DYM: variants seen among roughly 807,000 people sequenced by gnomAD.
DYM encodes dyggve-Melchior-Clausen syndrome protein.
A neutral mutation model predicts 93.1 loss-of-function variants in DYM; 78 were observed. That is an observed-to-expected ratio of 0.84 (90% CI 0.70 to 1.01). The LOEUF (loss-of-function observed/expected upper bound fraction) is 1.01, where lower values mean the gene tolerates loss of function less well. DYM is among the 50% of genes least tolerant of loss of function. The pLI is 0.00. For synonymous variants in DYM, 321 were observed against 319.7 expected (o/e 1.00, Z -0.04); for missense variants, 789 against 845.0 (o/e 0.93, Z 0.82).
chr18:49,146,130 T>A (rs1230101252), intron 15 of DYM, among the ~76,000 whole-genome samples: 1 of 152,076 alleles, frequency 6.6e-6, no homozygotes, highest in East Asian at 1.9e-4. Context: ...CAGGGTAACC[T>A]CAAGGAAATG....
chr18:49,433,550 T>C (rs2080528391), intron 1 of DYM, among the ~76,000 whole-genome samples: 1 of 152,164 alleles, frequency 6.6e-6, no homozygotes, highest in East Asian at 1.9e-4. Flanking sequence ...GTAAAGTTAG[T>C]AAATCAAAAA....
intron 11 of DYM, among the ~76,000 whole-genome samples, chr18:49,271,292 C>G (rs751860682): frequency 6.6e-6 from 1 of 152,148 alleles, no homozygotes; most frequent in Middle Eastern, 3.4e-3. Flanking sequence ...ACGCAATTAT[C>G]CTACAGTACA....
chr18:49,050,566 C>T (rs1289393586), intron 17 of DYM, among the ~76,000 whole-genome samples: 2 of 152,118 alleles, frequency 1.3e-5, no homozygotes, highest in Non-Finnish European at 2.9e-5. Flanking sequence ...TGGCAGCTAA[C>T]TCCCTGAGCC....
chr18:49,088,580 T>G (rs1440749772), intron 17 of DYM, among the ~76,000 whole-genome samples: 3 of 151,356 alleles, frequency 2.0e-5, no homozygotes, highest in African/African-American at 7.3e-5. Context: ...CCTAACAGCC[T>G]TTTTTAAACA....
intron 15 of DYM, among the ~76,000 whole-genome samples, chr18:49,155,851 T>C (rs1224843067): frequency 1.3e-5 from 2 of 152,380 alleles, no homozygotes; most frequent in East Asian, 3.9e-4. Context: ...TTTTTGGCTA[T>C]TGCAAATAAT....
rs561074434 is a variant in DYM at position 49,250,179 on chromosome 18, C to T, written c.1460+6831G>A. 2.0e-5 allele frequency among the ~76,000 whole-genome samples: 3 copies of T among 152,318 alleles called. No homozygotes were observed. The East Asian group carries it at 5.8e-4, about 29-fold the overall frequency. The stretch of plus-strand genomic sequence containing the variant: ...GCCAGCCCATCTTCTAAGAATCAGT[C>T]ACTAACTATTTATTAAAAGTCTATT... On this transcript the variant is annotated intron_variant, in intron 13 of 17. Transcript: ENST00000675505.
At chr18:49,294,594 A>G (rs995892710) in intron 8 of DYM, among the ~76,000 whole-genome samples, 2 of 152,218 alleles carry the variant, frequency 1.3e-5, no homozygotes, top group Admixed American at 1.3e-4. Flanking sequence ...TGAAACATCA[A>G]TAAAAATAAT....
intron 6 of DYM, among the ~76,000 whole-genome samples, chr18:49,352,008 C>A (rs1031270497): frequency 6.6e-6 from 1 of 151,946 alleles, no homozygotes; most frequent in Non-Finnish European, 1.5e-5. Context: ...CAAGACTACA[C>A]GTAGAACTTT....
intron 11 of DYM, among the ~76,000 whole-genome samples, chr18:49,268,076 A>T (rs2145430498): frequency 6.6e-6 from 1 of 152,346 alleles, no homozygotes; most frequent in Non-Finnish European, 1.5e-5. Context: ...AAGATAATTT[A>T]AAAAATGGCA....
At chr18:49,096,491 A>C (rs1331548290) in intron 17 of DYM, among the ~76,000 whole-genome samples, 1 of 152,234 alleles carries the variant, frequency 6.6e-6, no homozygotes, top group Admixed American at 6.5e-5. Flanking sequence ...ACAAAACACT[A>C]TGAAGGCCAA....
intron 1 of DYM, among the ~76,000 whole-genome samples, chr18:49,456,777 C>T (rs982721478): frequency 1.3e-5 from 2 of 152,082 alleles, no homozygotes; most frequent in Non-Finnish European, 2.9e-5. Flanking sequence ...AAACTGTTTA[C>T]AAGCAAAGTT....
intron 13 of DYM, among the ~76,000 whole-genome samples, chr18:49,247,150 C>T (rs13381473): frequency 0.053 from 8,064 of 152,188 alleles, 296 homozygotes; most frequent in Middle Eastern, 0.088. Context: ...TGCTTGAAGG[C>T]TATCATAAAA....
intron 17 of DYM, among the ~76,000 whole-genome samples, chr18:49,075,023 C>A (rs1213382266): frequency 6.6e-6 from 1 of 152,148 alleles, no homozygotes; most frequent in Admixed American, 6.5e-5. Flanking sequence ...ATGGGGGAGA[C>A]AGACAGGCTG....
At position 49,258,382 on chromosome 18, in the gene DYM, G is replaced by A. The variant is rs1420802732; in HGVS notation, c.1363C>T (p.Arg455Ter). Residue 455 changes from arginine to a stop codon, truncating the protein, a stop_gained and splice_region_variant, in exon 12 of 18, where the codon CGA (arginine) becomes TGA (stop). Transcript: ENST00000675505. LOFTEE classifies it high-confidence loss of function. ...AGAATAGCAGCTGGAATACTTACTC[G>A]TGTCCTAGTCATGTTGTATTGAATG... ...RTIQYNMTRT[R>*]DKYLHTNCLA... is the part of the protein sequence containing the mutation. 4 of 1,585,580 alleles carry A rather than the reference G, an allele frequency of 2.5e-6. No homozygotes were observed. Among genetic ancestry groups the A allele is most frequent in the African/African-American group, 2.7e-5 (2 of 74,350 alleles).
At chr18:49,385,312 A>G (rs151300449) in intron 3 of DYM, among the ~76,000 whole-genome samples, 3 of 152,294 alleles carry the variant, frequency 2.0e-5, no homozygotes, top group African/African-American at 7.2e-5. Context: ...ATAAAAAACA[A>G]CTGACCTGGC....
intron 5 of DYM, among the ~76,000 whole-genome samples, chr18:49,377,729 A>C (rs1329924271): frequency 6.6e-6 from 1 of 152,234 alleles, no homozygotes; most frequent in African/African-American, 2.4e-5. Context: ...TTTGACATTT[A>C]AAAACACGTA....
intron 8 of DYM, among the ~76,000 whole-genome samples, chr18:49,313,462 CAAAAAAAAAAAAAAAAAAAAAA>C (rs60775305): frequency 0.015 from 430 of 28,650 alleles, 25 homozygotes; most frequent in African/African-American, 0.054. Flanking sequence ...GACTCTGTCA[CAAAAAAAAAAAAAAAAAAAAAA>C]AAAAAAAAAA....
intron 2 of DYM, among the ~76,000 whole-genome samples, chr18:49,421,700 C>T (rs1256447400): frequency 6.6e-6 from 1 of 152,176 alleles, no homozygotes; most frequent in African/African-American, 2.4e-5. Context: ...TAATAACAAA[C>T]TTCTCCGAGC....
At chr18:49,275,737 C>T (rs1368447387) in intron 10 of DYM, among the ~76,000 whole-genome samples, 1 of 152,032 alleles carries the variant, frequency 6.6e-6, no homozygotes, top group African/African-American at 2.4e-5. Flanking sequence ...ATGTTGCAAT[C>T]AATGAATATG....
Sources: allele counts gnomAD v4.1 joint callset (sites outside exome capture counted in the v4.1 genomes callset), GRCh38; gene constraint gnomAD v4.1.1; transcripts MANE v1.5; gene names NCBI Gene and HGNC (gene_info 2026-07-23, HGNC 2026-07-21).